Variants in CNTN6 observed in about 807,000 individuals in gnomAD.
CNTN6 encodes the protein contactin 6, also known as contactin-6.
A neutral mutation model predicts 122.8 loss-of-function variants in CNTN6; 137 were observed. The observed-to-expected ratio is 1.12, with a 90% CI of 0.97 to 1.29. CNTN6 has a LOEUF of 1.29. Among genes scored for constraint, CNTN6 ranks in the 50% most tolerant of loss-of-function variants. The probability of loss-of-function intolerance (pLI) is 0.00; values close to 1 mark genes in which losing one functional copy is unlikely to be tolerated. For missense variants in CNTN6, 1,634 were observed against 1,223.4 expected (o/e 1.34, Z -5.01); for synonymous variants, 570 against 426.0 (o/e 1.34, Z -4.16).
chr3:1,166,470 A>G (rs1225976511), intron 2 of CNTN6, among the ~76,000 whole-genome samples: 2 of 152,214 alleles, frequency 1.3e-5, no homozygotes, highest in Non-Finnish European at 2.9e-5. Flanking sequence ...TTCTGGTCAA[A>G]TGGCAGAGAT....
At chr3:1,374,960 T>C (rs1354910890) in intron 16 of CNTN6, among the ~76,000 whole-genome samples, 1 of 152,040 alleles carries the variant, frequency 6.6e-6, no homozygotes, top group Non-Finnish European at 1.5e-5. Context: ...GGAAATCCCT[T>C]TGTTTTACAG....
intron 1 of CNTN6, among the ~76,000 whole-genome samples, chr3:1,128,547 C>G (rs1271421936): frequency 2.0e-5 from 3 of 151,964 alleles, no homozygotes; most frequent in African/African-American, 7.2e-5. Context: ...AGGCATGGTA[C>G]CTGCACCAAC....
intron 4 of CNTN6, among the ~76,000 whole-genome samples, chr3:1,264,683 A>G (rs2094899110): frequency 6.6e-6 from 1 of 152,090 alleles, no homozygotes; most frequent in Non-Finnish European, 1.5e-5. Context: ...TAAATTTGTC[A>G]CCCCACATAC....
intron 16 of CNTN6, among the ~76,000 whole-genome samples, chr3:1,376,151 A>C (rs1021629339): frequency 3.9e-5 from 6 of 152,098 alleles, no homozygotes; most frequent in African/African-American, 1.4e-4. Context: ...TACTTTTGTC[A>C]TTACGTCAAG....
At chr3:1,105,243 G>A (rs753493626) in intron 1 of CNTN6, among the ~76,000 whole-genome samples, 1 of 152,180 alleles carries the variant, frequency 6.6e-6, no homozygotes, top group Non-Finnish European at 1.5e-5. Flanking sequence ...CAGTATTTCA[G>A]TATTGCTCTA....
chr3:1,096,501 CA>C (rs2090535721), intron 1 of CNTN6, among the ~76,000 whole-genome samples: 1 of 152,166 alleles, frequency 6.6e-6, no homozygotes, highest in African/African-American at 2.4e-5. Flanking sequence ...CTACTTTCCA[CA>C]TCTTTCATAT....
chr3:1,311,307 A>G (rs1396961697), intron 7 of CNTN6, among the ~76,000 whole-genome samples: 1 of 144,128 alleles, frequency 6.9e-6, no homozygotes, highest in African/African-American at 2.5e-5. Context: ...ACGTATATGT[A>G]CATATAAAAT....
chr3:1,373,866 C>G (rs1344031059), intron 15 of CNTN6, 58 bp from the exon 16 acceptor site: 8 of 1,489,012 alleles, frequency 5.4e-6, no homozygotes, highest in Non-Finnish European at 6.3e-6. Context: ...TAATTTTGTA[C>G]AATTATTTGT....
At chr3:1,162,391 C>T (rs1331692204) in intron 2 of CNTN6, among the ~76,000 whole-genome samples, 1 of 148,272 alleles carries the variant, frequency 6.7e-6, no homozygotes, top group Admixed American at 6.7e-5. Context: ...TTGTACAGCT[C>T]AGAAGGGAGG....
intron 4 of CNTN6, among the ~76,000 whole-genome samples, chr3:1,248,072 C>A (rs1025974242): frequency 6.6e-6 from 1 of 152,064 alleles, no homozygotes; most frequent in Non-Finnish European, 1.5e-5. Context: ...AGGCTCACAA[C>A]CTGTAACTGA....
rs1700867596 is a variant in CNTN6, at chr3:1,321,673, G to C, written c.785G>C (p.Arg262Thr). 6.2e-7 allele frequency: 1 copy of C among 1,611,188 alleles called. No individual in the cohort carries two copies. The highest frequency in any genetic ancestry group is 1.3e-5 in the African/African-American group (1 of 74,616). ...AGTCCAGTCCCCGATATTAGTTGGA[G>C]AAGGTTGGACGGGAGCCCGTTGCCA... ...LGNPVPDISW[R>T]RLDGSPLPGK... The change falls in exon 8 of 23, where the codon AGA (arginine) becomes ACA (threonine). Residue 262 changes from arginine (R) to threonine (T), a missense_variant. Physicochemically the swap from Arg to Thr is moderately conservative, Grantham distance 71. Coordinates refer to ENST00000446702, the MANE Select transcript of CNTN6 (RefSeq NM_001289080.2).
intron 1 of CNTN6, among the ~76,000 whole-genome samples, chr3:1,099,398 C>T (rs1220264027): frequency 6.6e-6 from 1 of 152,070 alleles, no homozygotes; most frequent in African/African-American, 2.4e-5. Context: ...TTGCAGTGAG[C>T]CGAGATTGAG....
intron 12 of CNTN6, among the ~76,000 whole-genome samples, chr3:1,356,462 A>G (rs951546817): frequency 6.6e-6 from 1 of 151,820 alleles, no homozygotes; most frequent in Admixed American, 6.6e-5. Flanking sequence ...CAGCAGAATG[A>G]TACGGGTCTA....
intron 8 of CNTN6, among the ~76,000 whole-genome samples, chr3:1,325,244 C>A (rs1701368965): frequency 6.6e-6 from 1 of 151,770 alleles, no homozygotes; most frequent in South Asian, 2.1e-4. Flanking sequence ...GATACTGAAC[C>A]TGTATAAAAC....
rs540288011 is a variant in CNTN6 at position 1,335,827 on chromosome 3, G to A, written c.1364+5892G>A. Among the ~76,000 whole-genome samples the A allele has an allele frequency of 1.1e-4, 17 of 152,152 alleles. No homozygotes were observed. The South Asian group carries it at 1.2e-3, about 11-fold the overall frequency. ...AAGGACTGCTTGAGTTCAGGAGTTCGAGACCAGCCTGGGCAACATAGTGAG... is the reference window on the plus strand; with the variant it reads ...AAGGACTGCTTGAGTTCAGGAGTTCAAGACCAGCCTGGGCAACATAGTGAG... On this transcript the variant is annotated intron_variant, in intron 11 of 22. Transcript: ENST00000446702.
intron 2 of CNTN6, among the ~76,000 whole-genome samples, chr3:1,149,539 A>G (rs2092794467): frequency 6.6e-6 from 1 of 152,170 alleles, no homozygotes; most frequent in Non-Finnish European, 1.5e-5. Flanking sequence ...GAATCAGAAA[A>G]CCATACAAAT....
intron 7 of CNTN6, among the ~76,000 whole-genome samples, chr3:1,304,002 A>T (rs1460248184): frequency 1.3e-5 from 2 of 152,112 alleles, no homozygotes; most frequent in Admixed American, 6.5e-5. Flanking sequence ...GCCTCATGTG[A>T]CACTCCTATG....
intron 4 of CNTN6, among the ~76,000 whole-genome samples, chr3:1,246,396 A>G (rs372637857): frequency 1.2e-4 from 18 of 151,778 alleles, no homozygotes; most frequent in Middle Eastern, 3.4e-3. Flanking sequence ...TTCTGATCAC[A>G]TATAATATTT....
intron 2 of CNTN6, among the ~76,000 whole-genome samples, chr3:1,172,222 G>T (rs2125300114): frequency 6.6e-6 from 1 of 152,216 alleles, no homozygotes; most frequent in South Asian, 2.1e-4. Context: ...TCACTTCTCT[G>T]AACCCCAGTT....
Sources: gnomAD v4.1 joint callset for allele counts (sites outside exome capture counted in the v4.1 genomes callset) on GRCh38, gnomAD v4.1.1 for gene constraint, MANE v1.5 for transcripts, NCBI Gene and HGNC (gene_info 2026-07-23, HGNC 2026-07-21) for gene names.